The following EPN2 variants were observed in gnomAD, a reference collection of about 807,000 sequenced individuals.
The protein encoded by EPN2 is epsin-2.
EPN2 carries 34 observed loss-of-function variants against 61.7 expected under a neutral mutation model. The observed-to-expected ratio is 0.55, with a 90% confidence interval of 0.42 to 0.73. The LOEUF (loss-of-function observed/expected upper bound fraction) is 0.73, where lower values mean the gene tolerates loss of function less well. Among genes scored for constraint, EPN2 ranks in the 30% least tolerant of loss-of-function variants. The pLI is 0.00. For missense variants in EPN2, 714 were observed against 839.2 expected (o/e 0.85, Z 1.84); for synonymous variants, 349 against 353.6 (o/e 0.99, Z 0.15).
intron 1 of EPN2, among the ~76,000 whole-genome samples, chr17:19,255,645 A>G (rs1244557936): frequency 6.7e-6 from 1 of 149,966 alleles, no homozygotes; most frequent in Admixed American, 6.7e-5. Flanking sequence ...TTTTTGAGAC[A>G]AAGAGTCTTG....
chr17:19,278,107 G>A (rs943006706), intron 1 of EPN2, among the ~76,000 whole-genome samples: 1 of 151,400 alleles, frequency 6.6e-6, no homozygotes, highest in Non-Finnish European at 1.5e-5. Context: ...AGCCTCCAGT[G>A]ACTTTTCTCC....
intron 4 of EPN2, among the ~76,000 whole-genome samples, chr17:19,305,393 G>C (rs931646778): frequency 2.0e-5 from 3 of 152,152 alleles, no homozygotes. Context: ...AAAGTGCTGT[G>C]ACATCATTAC....
At chr17:19,282,852 C>T in intron 2 of EPN2, 98 bp from the exon 3 acceptor site, 2 of 399,732 alleles carry the variant, frequency 5.0e-6, no homozygotes, top group Admixed American at 4.1e-5. Flanking sequence ...TATGTCCACT[C>T]AGCTCCCCAG....
At chr17:19,321,684 G>A (rs1365738648) in intron 7 of EPN2, among the ~76,000 whole-genome samples, 2 of 150,534 alleles carry the variant, frequency 1.3e-5, no homozygotes, top group Non-Finnish European at 2.9e-5. Context: ...GCATGGTCAG[G>A]GCTGCAGGGA....
At chr17:19,287,849 T>A (rs972152305) in intron 4 of EPN2, among the ~76,000 whole-genome samples, 1 of 152,244 alleles carries the variant, frequency 6.6e-6, no homozygotes, top group Non-Finnish European at 1.5e-5. Context: ...CTTTCTTTCA[T>A]GTGCCATATG....
At position 19,293,799 on chromosome 17, in the gene EPN2, C is replaced by T. The variant is rs367708452; in HGVS notation, c.766+8009C>T. Among the ~76,000 whole-genome samples, 15 of 151,974 alleles carry T rather than the reference C, an allele frequency of 9.9e-5. No homozygotes were observed. In the East Asian group the frequency reaches 1.7e-3, roughly 18 times the overall value. ...GATTGTTCTCAGAATTGAAACAGTG[C>T]TATCAAGGCTGGGCGCGGTGGCTCA... is the stretch of plus-strand genomic sequence containing the variant. On this transcript the variant is annotated intron_variant, in intron 4 of 10. Transcript: ENST00000314728.
intron 7 of EPN2, among the ~76,000 whole-genome samples, chr17:19,316,733 A>C (rs755330452): frequency 5.3e-5 from 8 of 152,234 alleles, no homozygotes; most frequent in Non-Finnish European, 1.2e-4. Context: ...AGAAATTCTA[A>C]ACAATACCAC....
At chr17:19,333,287 A>C (rs1405586341) in intron 10 of EPN2, among the ~76,000 whole-genome samples, 1 of 152,026 alleles carries the variant, frequency 6.6e-6, no homozygotes, top group Non-Finnish European at 1.5e-5. Flanking sequence ...TTGGCTGCAC[A>C]CCAGTCATGG....
At chr17:19,321,621 C>T (rs1480540589) in intron 7 of EPN2, among the ~76,000 whole-genome samples, 1 of 152,072 alleles carries the variant, frequency 6.6e-6, no homozygotes, top group Non-Finnish European at 1.5e-5. Context: ...CTGACAGAGG[C>T]AAGTGGGAAG....
At chr17:19,317,513 C>CCG in intron 7 of EPN2, among the ~76,000 whole-genome samples, 1 of 152,288 alleles carries the variant, frequency 6.6e-6, no homozygotes, top group East Asian at 1.9e-4. Context: ...ACCACCCCCC[C>CCG]GCGTTGTGAC....
At chr17:19,301,785 A>ACCCTG (rs1369512982) in intron 4 of EPN2, among the ~76,000 whole-genome samples, 1 of 151,166 alleles carries the variant, frequency 6.6e-6, no homozygotes, top group Non-Finnish European at 1.5e-5. Context: ...CCTCTTCCCC[A>ACCCTG]CCCTGCCCTG....
intron 1 of EPN2, among the ~76,000 whole-genome samples, chr17:19,258,428 C>T (rs2045105321): frequency 6.6e-6 from 1 of 152,180 alleles, no homozygotes; most frequent in Non-Finnish European, 1.5e-5. Context: ...GTGAGAGTCG[C>T]ATTCCTGTCA....
At position 19,283,306 on chromosome 17, in the gene EPN2, C is replaced by T; in HGVS notation, c.187C>T (p.Arg63Trp). 4 of 1,614,074 alleles carry T rather than the reference C, an allele frequency of 2.5e-6. No individual in the cohort carries two copies. Among genetic ancestry groups the T allele is most frequent in the Admixed American group, 1.7e-5 (1 of 60,006 alleles). Residue 63 changes from arginine (R) to tryptophan (W), a missense_variant, in exon 3 of 11, where the codon CGG becomes TGG. By Grantham distance (101) the Arg-to-Trp change is moderately radical (BLOSUM62 -3). Coordinates refer to ENST00000314728, the MANE Select transcript of EPN2 (RefSeq NM_014964.5). This position sits in a 1 kb window ranked among gnomAD's most constrained non-coding sequence, Gnocchi z 7.0. ...GGAGATCATGAGCATGGTGTGGAAGCGGCTGAATGACCATGGCAAGAACTG... is the reference window on the plus strand; with the variant it reads ...GGAGATCATGAGCATGGTGTGGAAGTGGCTGAATGACCATGGCAAGAACTG... ...FSEIMSMVWK[R>W]LNDHGKNWRH...
At chr17:19,320,293 T>G (rs1906582968) in intron 7 of EPN2, among the ~76,000 whole-genome samples, 2 of 152,080 alleles carry the variant, frequency 1.3e-5, no homozygotes, top group African/African-American at 4.8e-5. Context: ...TTTCTCTATC[T>G]CAGAGGGAGG....
chr17:19,329,198 C>T (rs1217929756), intron 8 of EPN2: 2 of 427,894 alleles, frequency 4.7e-6, no homozygotes, highest in African/African-American at 2.0e-5. Context: ...GCTGGGCAGG[C>T]TGGCCTCCAG....
At chr17:19,301,498 ACT>A (rs1234032456) in intron 4 of EPN2, among the ~76,000 whole-genome samples, 1 of 151,900 alleles carries the variant, frequency 6.6e-6, no homozygotes, top group Non-Finnish European at 1.5e-5. Flanking sequence ...ATGTGTCCAG[ACT>A]CTGGCCACTT....
intron 7 of EPN2, 28 bp downstream of exon 7, chr17:19,313,307 G>C (rs1906237242): frequency 1.3e-6 from 2 of 1,496,728 alleles, no homozygotes; most frequent in African/African-American, 2.9e-5. Flanking sequence ...GGTCTCCCGT[G>C]CTTGCCTGCT....
rs562529615 is a variant in EPN2 at position 19,333,971 on chromosome 17, C to T, written c.1643C>T (p.Ser548Leu). The change falls in exon 11 of 11, where the codon TCG becomes TTG. Residue 548 changes from serine to leucine, a missense_variant. Ser to Leu is a moderately radical substitution (Grantham distance 145, BLOSUM62 -2). Coordinates refer to ENST00000314728, the MANE Select transcript of EPN2 (RefSeq NM_014964.5). The part of the protein sequence containing the change: ...PFLAPGAPAT[S>L]APVNPFQVNQ... ...GTCTCCCCAGGTGCTCCCGCCACCTCGGCCCCTGTTAACCCTTTCCAGGTG... is the reference window on the plus strand; with the variant it reads ...GTCTCCCCAGGTGCTCCCGCCACCTTGGCCCCTGTTAACCCTTTCCAGGTG... The T allele has an allele frequency of 3.8e-5, 59 of 1,551,826 alleles. No homozygotes were observed. The highest frequency in any genetic ancestry group is 9.5e-5 in the African/African-American group (7 of 73,684).
At chr17:19,253,860 C>T (rs865780227) in intron 1 of EPN2, among the ~76,000 whole-genome samples, 3 of 152,142 alleles carry the variant, frequency 2.0e-5, no homozygotes, top group African/African-American at 7.2e-5. Flanking sequence ...TTATAACAGT[C>T]GTGGTGGCTC....
Sources: gnomAD v4.1 joint callset for allele counts (sites outside exome capture counted in the v4.1 genomes callset) on GRCh38, gnomAD v4.1.1 for gene constraint, Gnocchi (gnomAD v3.1) non-coding constraint, MANE v1.5 for transcripts, NCBI Gene and HGNC (gene_info 2026-07-23, HGNC 2026-07-21) for gene names.